EBF1: variants seen among roughly 807,000 people sequenced by gnomAD.
EBF1 encodes the protein EBF transcription factor 1.
A neutral mutation model predicts 68.4 loss-of-function variants in EBF1; 10 were observed. The ratio of observed to expected loss-of-function variants is 0.15; its 90% CI spans 0.09 to 0.25. EBF1 has a LOEUF of 0.25. Ranked by LOEUF, EBF1 falls within the 10% of genes least tolerant of loss-of-function variation. The probability of loss-of-function intolerance (pLI) is 1.00; values close to 1 mark genes in which losing one functional copy is unlikely to be tolerated. For synonymous variants in EBF1, 298 were observed against 299.8 expected, an observed-to-expected ratio of 0.99 and a Z score of 0.06; for missense variants, 509 against 794.4, an observed-to-expected ratio of 0.64 and a Z score of 4.32.
intron 6 of EBF1, among the ~76,000 whole-genome samples, chr5:158,911,834 C>T (rs903406237): frequency 1.3e-5 from 2 of 152,200 alleles, no homozygotes; most frequent in East Asian, 1.9e-4. Flanking sequence ...GTCACACTAA[C>T]ATTAGATTAG....
intron 6 of EBF1, among the ~76,000 whole-genome samples, chr5:159,023,545 G>A (rs1308966595): frequency 6.6e-6 from 1 of 152,156 alleles, no homozygotes; most frequent in East Asian, 1.9e-4. Flanking sequence ...GAAGCCCTTG[G>A]AACAGAGGCA....
At chr5:158,869,025 G>T (rs967564803) in intron 6 of EBF1, among the ~76,000 whole-genome samples, 1 of 152,092 alleles carries the variant, frequency 6.6e-6, no homozygotes, top group African/African-American at 2.4e-5. Context: ...ATGAAATGTG[G>T]CATTCAACTT....
At chr5:158,925,523 A>G (rs973764363) in intron 6 of EBF1, among the ~76,000 whole-genome samples, 1 of 152,192 alleles carries the variant, frequency 6.6e-6, no homozygotes, top group Non-Finnish European at 1.5e-5. Context: ...CTCCAAAGGG[A>G]AAGGGCTCCC....
chr5:158,795,748 C>T (rs1308830422), intron 9 of EBF1, among the ~76,000 whole-genome samples: 1 of 152,170 alleles, frequency 6.6e-6, no homozygotes, highest in Non-Finnish European at 1.5e-5. Flanking sequence ...GACAGTACTG[C>T]ACAATTAGAA....
intron 7 of EBF1, among the ~76,000 whole-genome samples, chr5:158,827,244 CAT>C (rs1786369408): frequency 6.6e-6 from 1 of 152,202 alleles, no homozygotes. Context: ...GAAGACCCAG[CAT>C]ACACTGTAAT....
intron 10 of EBF1, among the ~76,000 whole-genome samples, chr5:158,744,086 G>A (rs777718161): frequency 3.9e-5 from 6 of 152,028 alleles, no homozygotes; most frequent in East Asian, 3.9e-4. Context: ...CAGGAGAATC[G>A]CTTGAATCTG....
At chr5:158,892,179 G>T (rs911429939) in intron 6 of EBF1, among the ~76,000 whole-genome samples, 3 of 151,948 alleles carry the variant, frequency 2.0e-5, no homozygotes, top group Non-Finnish European at 4.4e-5. Context: ...TTATATACAG[G>T]TTAAGCATCC....
chr5:158,994,399 G>C (rs955301820), intron 6 of EBF1, among the ~76,000 whole-genome samples: 3 of 152,174 alleles, frequency 2.0e-5, no homozygotes, highest in Non-Finnish European at 2.9e-5. Flanking sequence ...TTAGAGTCAA[G>C]GGGCCTTTCA....
Position 158,730,055 on chromosome 5 carries a change from TTTTA to T in EBF1, c.1125+1010_1125+1013del, listed in dbSNP as rs1339231765. 2.0e-5 allele frequency among the ~76,000 whole-genome samples: 3 copies of T among 152,322 alleles called. No individual in the cohort carries two copies. In the East Asian group the frequency reaches 5.8e-4, roughly 29 times the overall value. ...GATGGCAACTTCATTTTTGCAAGTG[TTTTA>T]CACGGATACATAAACCTAGAAATGG... On this transcript the variant is annotated intron_variant, in intron 11 of 15. Transcript: ENST00000313708.
intron 4 of EBF1, among the ~76,000 whole-genome samples, chr5:159,093,392 T>A (rs1312328862): frequency 6.6e-6 from 1 of 152,212 alleles, no homozygotes; most frequent in African/African-American, 2.4e-5. Context: ...CCAAAATATA[T>A]CATTGCATGC....
At position 158,875,962 on chromosome 5, in the gene EBF1, G is replaced by A. The variant is rs1019864970; in HGVS notation, c.555-35852C>T. On this transcript the variant is annotated intron_variant, in intron 6 of 15. Transcript: ENST00000313708. ...TATGACCCTTTTGGTATGAATATGT[G>A]TGCTTTTCACTTCATTACAACAACA... Among the ~76,000 whole-genome samples the A allele has an allele frequency of 3.3e-5, 5 of 152,102 alleles. No individual in the cohort carries two copies. The East Asian group carries it at 9.6e-4, about 29-fold the overall frequency.
rs1020062246 is a variant in EBF1, at chr5:159,095,788, C to T, written c.356-113G>A. 4.6e-6 allele frequency: 5 copies of T among 1,092,674 alleles called. No individual in the cohort carries two copies. The African/African-American group carries it at 4.7e-5, about 10-fold the overall frequency. The allele number at this position is 1,092,674 out of a possible 1,614,324, so 67.7% of individuals were successfully genotyped here. ...CAACAAAACCCCCACACACATATCACGAAAGGGGCTCCAAGGCTGATTGGA... is the reference window on the plus strand; with the variant it reads ...CAACAAAACCCCCACACACATATCATGAAAGGGGCTCCAAGGCTGATTGGA... On this transcript the variant is annotated intron_variant, in intron 3 of 15. Transcript: ENST00000313708.
At chr5:158,885,639 C>T (rs1227897288) in intron 6 of EBF1, among the ~76,000 whole-genome samples, 1 of 152,200 alleles carries the variant, frequency 6.6e-6, no homozygotes, top group East Asian at 1.9e-4. Context: ...CTTTGTCCAC[C>T]TCTGCTCATC....
At chr5:158,980,989 CA>C (rs374977039) in intron 6 of EBF1, among the ~76,000 whole-genome samples, 25 of 152,066 alleles carry the variant, frequency 1.6e-4, no homozygotes, top group African/African-American at 5.5e-4. Flanking sequence ...AAAACCACTG[CA>C]AAAGTTTACA....
intron 10 of EBF1, among the ~76,000 whole-genome samples, chr5:158,768,490 GT>G (rs1773223589): frequency 6.6e-6 from 1 of 152,022 alleles, no homozygotes; most frequent in Non-Finnish European, 1.5e-5. Context: ...TTTATTGAGT[GT>G]TTATGTAACA....
intron 6 of EBF1, among the ~76,000 whole-genome samples, chr5:158,871,845 C>T (rs1192805878): frequency 1.3e-5 from 2 of 152,132 alleles, no homozygotes; most frequent in African/African-American, 4.8e-5. Context: ...AGCAATGCAC[C>T]AAATTCATTT....
At chr5:158,783,500 A>T (rs1486673385) in intron 9 of EBF1, among the ~76,000 whole-genome samples, 2 of 152,102 alleles carry the variant, frequency 1.3e-5, no homozygotes, top group East Asian at 1.9e-4. Flanking sequence ...ATAAGAAATA[A>T]TTTTTCTATG....
chr5:158,915,147 T>C (rs755780598), intron 6 of EBF1, among the ~76,000 whole-genome samples: 10 of 152,192 alleles, frequency 6.6e-5, no homozygotes, highest in Non-Finnish European at 8.8e-5. Flanking sequence ...TCCTAAATTA[T>C]TGATAACACA....
At chr5:159,052,749 C>A (rs915643097) in intron 6 of EBF1, among the ~76,000 whole-genome samples, 1 of 152,138 alleles carries the variant, frequency 6.6e-6, no homozygotes. Context: ...CTCAGTGGTC[C>A]GTGAGACCCT....
Sources: gnomAD v4.1 joint callset for allele counts (sites outside exome capture counted in the v4.1 genomes callset) on GRCh38, gnomAD v4.1.1 for gene constraint, MANE v1.5 for transcripts, NCBI Gene and HGNC (gene_info 2026-07-23, HGNC 2026-07-21) for gene names.